WNK2: variants seen among roughly 807,000 people sequenced by gnomAD.
The protein encoded by WNK2 is WNK lysine deficient protein kinase 2.
WNK2 carries 67 observed loss-of-function variants against 192.1 expected under a neutral mutation model. The observed-to-expected ratio is 0.35, with a 90% CI of 0.29 to 0.43. WNK2 has a LOEUF of 0.43. WNK2 is among the 20% of genes least tolerant of loss of function. The pLI is 1.00. For synonymous variants in WNK2, 1,439 were observed against 1,393.9 expected, an observed-to-expected ratio of 1.03 and a Z score of -0.72; for missense variants, 2,698 against 3,089.7, an observed-to-expected ratio of 0.87 and a Z score of 3.01.
intron 2 of WNK2, among the ~76,000 whole-genome samples, chr9:93,212,534 G>A (rs1011153918): frequency 1.3e-5 from 2 of 152,222 alleles, no homozygotes; most frequent in South Asian, 4.1e-4. Flanking sequence ...ATGGCCCCCA[G>A]AGTGGCCTGT....
intron 20 of WNK2, 40 bp downstream of exon 20, chr9:93,289,660 A>G: frequency 2.9e-6 from 4 of 1,396,100 alleles, no homozygotes; most frequent in Non-Finnish European, 3.7e-6. Flanking sequence ...GCCCTGGGTC[A>G]GGGGCCGGAG....
chr9:93,249,785 CT>C (rs1842277548), intron 8 of WNK2, among the ~76,000 whole-genome samples: 1 of 151,970 alleles, frequency 6.6e-6, no homozygotes, highest in Admixed American at 6.6e-5. Flanking sequence ...CTCAAAAACA[CT>C]TTTACTTGTT....
At chr9:93,227,927 G>T (rs1838094419) in intron 2 of WNK2, among the ~76,000 whole-genome samples, 2 of 152,228 alleles carry the variant, frequency 1.3e-5, no homozygotes, top group South Asian at 4.1e-4. Context: ...AGCTGGTTAG[G>T]AAGGGCAGTC....
chr9:93,211,075 C>T (rs1045445498), intron 2 of WNK2, among the ~76,000 whole-genome samples: 7 of 152,322 alleles, frequency 4.6e-5, no homozygotes, highest in African/African-American at 1.7e-4. Context: ...CTCATTCACA[C>T]ACTCACACAT....
At chr9:93,211,226 T>TCATTCACCCACTCCTC (rs1563997183) in intron 2 of WNK2, among the ~76,000 whole-genome samples, 1 of 6,012 alleles carries the variant, frequency 1.7e-4, no homozygotes, top group Non-Finnish European at 4.1e-4. Context: ...ACTCATCCAC[T>TCATTCACCCACTCCTC]CACTCACTCA....
intron 10 of WNK2, chr9:93,256,733 G>A: frequency 4.5e-6 from 3 of 671,346 alleles, no homozygotes; most frequent in South Asian, 2.0e-5. Context: ...AAGATCTGCT[G>A]TGCCCTGGCT....
At chr9:93,300,274 C>T (rs1851362980) in intron 26 of WNK2, 125 bp downstream of exon 26, 2 of 779,200 alleles carry the variant, frequency 2.6e-6, no homozygotes, top group Admixed American at 4.9e-5. Context: ...TCGAAGTCAC[C>T]TATTTAATAT....
At chr9:93,270,400 G>A (rs937634742) in intron 19 of WNK2, among the ~76,000 whole-genome samples, 1 of 152,238 alleles carries the variant, frequency 6.6e-6, no homozygotes, top group African/African-American at 2.4e-5. Flanking sequence ...GGTAGAGAAA[G>A]CACACACATC....
chr9:93,264,495 C>T (rs1419590249), intron 16 of WNK2, among the ~76,000 whole-genome samples: 2 of 152,178 alleles, frequency 1.3e-5, no homozygotes, highest in Non-Finnish European at 2.9e-5. Flanking sequence ...GCCACCCCTC[C>T]CTGCCTGTGC....
chr9:93,227,100 C>G (rs1206760865), intron 2 of WNK2, among the ~76,000 whole-genome samples: 8 of 150,014 alleles, frequency 5.3e-5, no homozygotes, highest in Non-Finnish European at 1.0e-4. Context: ...AGCCTCCCAG[C>G]AGCTGGAAGT....
At chr9:93,290,135 C>A in intron 21 of WNK2, 88 bp downstream of exon 21, 1 of 1,229,342 alleles carries the variant, frequency 8.1e-7, no homozygotes. Context: ...CCTCGTCTTT[C>A]ATCTGTTAAG....
chr9:93,306,944 G>A, intron 27 of WNK2, 123 bp downstream of exon 27: 1 of 1,220,222 alleles, frequency 8.2e-7, no homozygotes, highest in African/African-American at 1.5e-5. Context: ...CCCCGCGCCT[G>A]CTCCATGCCT....
intron 2 of WNK2, among the ~76,000 whole-genome samples, chr9:93,222,050 C>A (rs1020494061): frequency 6.6e-6 from 1 of 152,202 alleles, no homozygotes; most frequent in Admixed American, 6.5e-5. Context: ...CAGGCACCTA[C>A]TTCCTTCTGT....
At chr9:93,283,364 G>C (rs768424423) in intron 19 of WNK2, among the ~76,000 whole-genome samples, 12 of 152,270 alleles carry the variant, frequency 7.9e-5, no homozygotes, top group African/African-American at 2.9e-4. Context: ...CTTAGCAACG[G>C]TTCTTTGAAA....
rs1343457639 is a variant in WNK2 at position 93,289,231 on chromosome 9, T to C, written c.4477T>C (p.Leu1493=). ...CCACAGCGGGACCCCACAGCCCGCCTTGGGTCAACCTGCTCCCCTGCTTCC... is the reference window on the plus strand; with the variant it reads ...CCACAGCGGGACCCCACAGCCCGCCCTGGGTCAACCTGCTCCCCTGCTTCC... ...SPHSGTPQPA[L]GQPAPLLPAA... The change falls in exon 20 of 30, where the codon TTG becomes CTG. Residue 1493 remains leucine (L), a synonymous_variant. Coordinates refer to ENST00000427277, the MANE Select transcript of WNK2 (RefSeq NM_006648.4). The C allele has an allele frequency of 1.2e-6, 2 of 1,605,162 alleles. No homozygotes were observed. The highest frequency in any genetic ancestry group is 1.3e-5 in the African/African-American group (1 of 74,962).
chr9:93,268,484 C>A (rs1564133246), intron 18 of WNK2, 143 bp from the exon 19 acceptor site: 1 of 1,311,510 alleles, frequency 7.6e-7, no homozygotes, highest in East Asian at 2.5e-5. Context: ...GTGTTCTCTG[C>A]CCACACCCTT....
At position 93,318,481 on chromosome 9, in the gene WNK2, G is replaced by A. The variant is rs115115786; in HGVS notation, c.6628+850G>A. ...TGCTCAGTAGGGAATGTCAGTTGTT[G>A]CGCTGGGCCATGAGAAATCCGCCAG... is the stretch of plus-strand genomic sequence containing the variant. On this transcript the variant is annotated intron_variant, in intron 29 of 29. Coordinates refer to ENST00000427277, the MANE Select transcript of WNK2 (RefSeq NM_006648.4). The A allele has an allele frequency of 1.2e-3, 1,892 of 1,614,126 alleles. 24 individuals are homozygous for A. The African/African-American group carries it at 0.022, about 19-fold the overall frequency.
At chr9:93,215,844 A>G (rs563185283) in intron 2 of WNK2, among the ~76,000 whole-genome samples, 2 of 151,518 alleles carry the variant, frequency 1.3e-5, no homozygotes, top group South Asian at 4.2e-4. Context: ...TTTTATTTTT[A>G]TTTTTCATCA....
At chr9:93,269,045 A>G in intron 19 of WNK2, 1 of 1,109,976 alleles carries the variant, frequency 9.0e-7, no homozygotes. Flanking sequence ...TCACAGTGTT[A>G]ACCTGGCAAC....
Sources: gnomAD v4.1 joint callset for allele counts (sites outside exome capture counted in the v4.1 genomes callset) on GRCh38, gnomAD v4.1.1 for gene constraint, MANE v1.5 for transcripts, NCBI Gene and HGNC (gene_info 2026-07-23, HGNC 2026-07-21) for gene names.